The following DENND6A variants were observed in gnomAD, a reference collection of about 807,000 sequenced individuals.
DENND6A encodes DENN domain containing 6A.
DENND6A carries 43 observed loss-of-function variants against 95.5 expected under a neutral mutation model. The ratio of observed to expected loss-of-function variants is 0.45; its 90% CI spans 0.35 to 0.58. The LOEUF (loss-of-function observed/expected upper bound fraction) is 0.58, where lower values mean the gene tolerates loss of function less well. Ranked by LOEUF, DENND6A falls within the 20% of genes least tolerant of loss-of-function variation. The probability of loss-of-function intolerance (pLI) is 0.00; values close to 1 mark genes in which losing one functional copy is unlikely to be tolerated. For synonymous variants in DENND6A, 257 were observed against 260.4 expected (o/e 0.99, Z 0.13); for missense variants, 574 against 736.0 (o/e 0.78, Z 2.55).
chr3:57,681,013 T>C (rs1235517757), intron 1 of DENND6A, among the ~76,000 whole-genome samples: 3 of 152,176 alleles, frequency 2.0e-5, no homozygotes, highest in Non-Finnish European at 4.4e-5. Flanking sequence ...AGTTACAGTA[T>C]AGCCCTGCAA....
rs1340024913 is a variant in DENND6A at position 57,627,646 on chromosome 3, T to C, written c.*568A>G. ...AGCAAGAAACTTTTTTTTTAAACAA[T>C]GATCACTCAACAGAATACCTTATAA... is the stretch of plus-strand genomic sequence containing the variant. On this transcript the variant is annotated 3_prime_UTR_variant, in exon 20 of 20. Transcript: ENST00000311128. 6.6e-6 allele frequency: 1 copy of C among 152,398 alleles called. No homozygotes were observed. Among genetic ancestry groups the C allele is most frequent in the African/African-American group, 2.4e-5 (1 of 41,394 alleles). The allele number at this position is 152,398 out of a possible 1,614,324, so 9.4% of individuals were successfully genotyped here. A position where few individuals can be genotyped will look rare whatever the true frequency, so the allele number is the denominator to read the frequency against.
At chr3:57,686,055 T>C (rs1213029738) in intron 1 of DENND6A, among the ~76,000 whole-genome samples, 1 of 152,162 alleles carries the variant, frequency 6.6e-6, no homozygotes, top group African/African-American at 2.4e-5. Context: ...AGAATCCTCA[T>C]ATGTAACAAA....
In DENND6A at chr3:57,630,719, A is replaced by G. The variant is rs1239016324; in HGVS notation, c.1513T>C (p.Tyr505His). The G allele has an allele frequency of 6.2e-7, 1 of 1,611,846 alleles. No individual in the cohort carries two copies. The highest frequency in any genetic ancestry group is 1.7e-5 in the Admixed American group (1 of 59,432). ...AAACAGGGAAAAAAGACTAACCGGT[A>G]AAGTCCAATCCAATCGCCTTTTATT... ...SRIKGDWIGL[Y>H]RHFLKSPNFD... Residue 505 changes from tyrosine (Y) to histidine (H), a missense_variant, in exon 17 of 20, where the codon TAC (tyrosine) becomes CAC (histidine). Coordinates refer to ENST00000311128, the MANE Select transcript of DENND6A (RefSeq NM_152678.3).
intron 9 of DENND6A, chr3:57,655,007 T>C (rs1005518963): frequency 4.2e-5 from 9 of 214,636 alleles, no homozygotes; most frequent in Non-Finnish European, 6.4e-5. Flanking sequence ...TTTTCAAAAT[T>C]TGGTTTTCTC....
rs1320623898 is a variant in DENND6A at position 57,625,629 on chromosome 3, C to T, written c.*2585G>A. ...TTTAATGTCAGGGTTTACATAGTAA[C>T]AAATTCTTCTTAAAAAAAAAAAGAC... On this transcript the variant is annotated 3_prime_UTR_variant, in exon 20 of 20. Transcript: ENST00000311128. 2.6e-5 allele frequency: 4 copies of T among 152,014 alleles called. No individual in the cohort carries two copies. The highest frequency in any genetic ancestry group is 1.3e-4 in the Admixed American group (2 of 15,192). The allele number at this position is 152,014 out of a possible 1,614,324, so 9.4% of individuals were successfully genotyped here.
At chr3:57,658,402 C>T (rs2071366461) in intron 8 of DENND6A, among the ~76,000 whole-genome samples, 1 of 152,174 alleles carries the variant, frequency 6.6e-6, no homozygotes, top group Non-Finnish European at 1.5e-5. Flanking sequence ...TGGTGGCATG[C>T]ACCGTAGTCC....
At chr3:57,640,810 A>C (rs551946027) in intron 12 of DENND6A, among the ~76,000 whole-genome samples, 72 of 152,264 alleles carry the variant, frequency 4.7e-4, no homozygotes, top group Non-Finnish European at 7.6e-4. Context: ...AAATTTTCTC[A>C]TATCTTCTCA....
At position 57,659,101 on chromosome 3, in the gene DENND6A, C is replaced by A. The variant is rs780614881; in HGVS notation, c.762+17G>T. 6.2e-7 allele frequency: 1 copy of A among 1,613,524 alleles called. No individual in the cohort carries two copies. The highest frequency in any genetic ancestry group is 2.2e-5 in the East Asian group (1 of 44,842). ...ACTATATATGTGCTGGATCATTCTA[C>A]CATAGTACCACACTACCTGCTGAGT... is the stretch of plus-strand genomic sequence containing the variant. On this transcript the variant is annotated intron_variant, in intron 8 of 19. Coordinates refer to ENST00000311128, the MANE Select transcript of DENND6A (RefSeq NM_152678.3).
intron 11 of DENND6A, among the ~76,000 whole-genome samples, chr3:57,642,225 A>T (rs2070958941): frequency 6.6e-6 from 1 of 150,728 alleles, no homozygotes; most frequent in African/African-American, 2.4e-5. Flanking sequence ...GAGGCAGGAG[A>T]ATTGCTTGAA....
chr3:57,632,028 T>C (rs2070693612), intron 15 of DENND6A, among the ~76,000 whole-genome samples: 1 of 128,254 alleles, frequency 7.8e-6, no homozygotes. Flanking sequence ...GGCCTTTTTT[T>C]TTTTTTTTTT....
intron 9 of DENND6A, among the ~76,000 whole-genome samples, chr3:57,652,973 C>G (rs570168713): frequency 3.7e-4 from 56 of 152,178 alleles, no homozygotes; most frequent in Non-Finnish European, 6.8e-4. Context: ...AACATTTGAA[C>G]TGGTCTTAGT....
At chr3:57,647,902 G>C (rs1029639686) in intron 9 of DENND6A, among the ~76,000 whole-genome samples, 4 of 151,872 alleles carry the variant, frequency 2.6e-5, no homozygotes, top group Non-Finnish European at 5.9e-5. Flanking sequence ...GAGTGAGCAG[G>C]GTAAGGAGGG....
rs565289573 is a variant in DENND6A, at chr3:57,634,455, G to A, written c.1263+103C>T. ...CTCCCAAAAAAAAAAAAAAAAAGGA[G>A]AGATCCTATTTCACATTAGTATACA... On this transcript the variant is annotated intron_variant, in intron 14 of 19. Coordinates refer to ENST00000311128, the MANE Select transcript of DENND6A (RefSeq NM_152678.3). 3.1e-5 allele frequency: 16 copies of A among 512,398 alleles called. No individual in the cohort carries two copies. The Admixed American group carries it at 4.7e-4, about 15-fold the overall frequency. The allele number at this position is 512,398 out of a possible 1,614,324, so 31.7% of individuals were successfully genotyped here.
At chr3:57,677,023 C>T (rs189769557) in intron 1 of DENND6A, among the ~76,000 whole-genome samples, 1 of 152,108 alleles carries the variant, frequency 6.6e-6, no homozygotes, top group Non-Finnish European at 1.5e-5. Flanking sequence ...AGGGTTTCAC[C>T]ATGTTGGCTA....
At chr3:57,658,576 G>A (rs1275564813) in intron 8 of DENND6A, among the ~76,000 whole-genome samples, 1 of 152,170 alleles carries the variant, frequency 6.6e-6, no homozygotes, top group Non-Finnish European at 1.5e-5. Context: ...ATTTGCAACT[G>A]TATGAAATAC....
chr3:57,674,170 C>A (rs1239407694), intron 1 of DENND6A, among the ~76,000 whole-genome samples: 1 of 151,862 alleles, frequency 6.6e-6, no homozygotes, highest in Non-Finnish European at 1.5e-5. Context: ...ATCACGAGGG[C>A]AGGAGATCGA....
rs1479670881 is a variant in DENND6A, at chr3:57,627,712, T to TA, written c.*501dup. ...TGAAGCTAAGGAAAAGCTTCAAGACTAGCAGCTGAACTGTGAAACATGTAG... is the reference window on the plus strand; with the variant it reads ...TGAAGCTAAGGAAAAGCTTCAAGACTAAGCAGCTGAACTGTGAAACATGTAG... On this transcript the variant is annotated 3_prime_UTR_variant, in exon 20 of 20. Coordinates refer to ENST00000311128, the MANE Select transcript of DENND6A (RefSeq NM_152678.3). 1.3e-5 allele frequency: 2 copies of TA among 152,832 alleles called. No individual in the cohort carries two copies. The highest frequency in any genetic ancestry group is 2.9e-5 in the Non-Finnish European group (2 of 68,234). The allele number at this position is 152,832 out of a possible 1,614,324, so 9.5% of individuals were successfully genotyped here. A position where few individuals can be genotyped will look rare whatever the true frequency, so the allele number is the denominator to read the frequency against.
rs146387638 is a variant in DENND6A at position 57,664,866 on chromosome 3, A to T, written c.433-1150T>A. 9.4e-4 allele frequency among the ~76,000 whole-genome samples: 143 copies of T among 152,242 alleles called. 1 individual carries two copies. The highest frequency in any genetic ancestry group is 3.3e-3 in the African/African-American group (138 of 41,546). On this transcript the variant is annotated intron_variant, in intron 4 of 19. Coordinates refer to ENST00000311128, the MANE Select transcript of DENND6A (RefSeq NM_152678.3). ...AAGTAGAAAAATGAATATTATTGTA[A>T]TAGGAGGATGGGTACCATGAAAAAA...
chr3:57,685,061 G>C (rs975763242), intron 1 of DENND6A, among the ~76,000 whole-genome samples: 1 of 151,794 alleles, frequency 6.6e-6, no homozygotes, highest in Admixed American at 6.6e-5. Context: ...TTACAGGTAT[G>C]CGCCACCATG....
Sources: gnomAD v4.1 joint callset for allele counts (sites outside exome capture counted in the v4.1 genomes callset) on GRCh38, gnomAD v4.1.1 for gene constraint, MANE v1.5 for transcripts, NCBI Gene and HGNC (gene_info 2026-07-23, HGNC 2026-07-21) for gene names.